Variants in SHISA9 observed in about 807,000 individuals in gnomAD.
SHISA9 encodes the protein shisa family member 9.
Under a neutral mutation model 38.0 loss-of-function variants are expected in SHISA9, and 13 were observed. The observed-to-expected ratio is 0.34, with a 90% confidence interval of 0.22 to 0.54. The LOEUF (loss-of-function observed/expected upper bound fraction) is 0.54, where lower values mean the gene tolerates loss of function less well. Ranked by LOEUF, SHISA9 falls within the 20% of genes least tolerant of loss-of-function variation. The pLI, the probability that SHISA9 is intolerant of heterozygous loss-of-function variation, is 0.91. For synonymous variants in SHISA9, 275 were observed against 242.0 expected (o/e 1.14, Z -1.27); for missense variants, 538 against 575.8 (o/e 0.93, Z 0.67).
the SHISA9 span, among the ~76,000 whole-genome samples, chr16:13,496,856 GTCTA>G: frequency 4.6e-5 from 7 of 152,210 alleles, no homozygotes; most frequent in East Asian, 1.4e-3. Flanking sequence ...ATATATCAGT[GTCTA>G]TCTATATATA....
the SHISA9 span, among the ~76,000 whole-genome samples, chr16:13,319,343 G>A: frequency 6.6e-6 from 1 of 152,146 alleles, no homozygotes; most frequent in Non-Finnish European, 1.5e-5. Context: ...GATCTCAACC[G>A]CTTGGCGAGA....
chr16:13,161,115 C>T (rs903711596), intron 2 of SHISA9, among the ~76,000 whole-genome samples: 1 of 152,188 alleles, frequency 6.6e-6, no homozygotes, highest in African/African-American at 2.4e-5. Flanking sequence ...TCTCACTTTT[C>T]TGTCCTGGCT....
intron 2 of SHISA9, among the ~76,000 whole-genome samples, chr16:13,114,234 A>C (rs914670662): frequency 4.6e-5 from 7 of 152,108 alleles, no homozygotes; most frequent in Non-Finnish European, 1.0e-4. Context: ...TGGGAGGCTG[A>C]GGCGGGCAGA....
chr16:13,169,448 C>T (rs1489079723), intron 2 of SHISA9, among the ~76,000 whole-genome samples: 1 of 151,940 alleles, frequency 6.6e-6, no homozygotes, highest in Non-Finnish European at 1.5e-5. Flanking sequence ...GGAAAAAATC[C>T]CCCTCTGGGG....
At chr16:12,991,679 T>TGA (rs769610014) in intron 2 of SHISA9, among the ~76,000 whole-genome samples, 7 of 152,204 alleles carry the variant, frequency 4.6e-5, no homozygotes, top group Admixed American at 6.5e-5. Context: ...GAGAGGAAGA[T>TGA]GAGCTGAGTC....
At chr16:13,254,607 A>G in the SHISA9 span, among the ~76,000 whole-genome samples, 2 of 152,360 alleles carry the variant, frequency 1.3e-5, no homozygotes, top group East Asian at 3.9e-4. Context: ...GCGGGCTGTC[A>G]GCAATTACCA....
chr16:13,485,415 C>T, the SHISA9 span, among the ~76,000 whole-genome samples: 18 of 152,220 alleles, frequency 1.2e-4, no homozygotes, highest in Admixed American at 9.8e-4. Flanking sequence ...TGTATATATG[C>T]CACATTTTCT....
At chr16:13,285,183 G>A in the SHISA9 span, among the ~76,000 whole-genome samples, 1 of 152,004 alleles carries the variant, frequency 6.6e-6, no homozygotes, top group Non-Finnish European at 1.5e-5. Flanking sequence ...TTCCTTAGCA[G>A]CCTGCTCTTT....
chr16:13,311,861 T>G, the SHISA9 span, among the ~76,000 whole-genome samples: 6 of 152,188 alleles, frequency 3.9e-5, no homozygotes, highest in African/African-American at 1.4e-4. Flanking sequence ...ACGAGATAGA[T>G]AATAATAGTA....
chr16:13,304,481 T>C, the SHISA9 span, among the ~76,000 whole-genome samples: 193 of 152,246 alleles, frequency 1.3e-3, no homozygotes, highest in African/African-American at 4.0e-3. Flanking sequence ...TGGTCTTGAA[T>C]TCCTGGGTTC....
the SHISA9 span, among the ~76,000 whole-genome samples, chr16:13,528,147 C>T: frequency 3.9e-5 from 6 of 152,236 alleles, no homozygotes; most frequent in East Asian, 1.9e-4. Context: ...ACTAGATCCC[C>T]GGGAACAAAG....
chr16:13,269,923 T>C, the SHISA9 span, among the ~76,000 whole-genome samples: 1 of 152,178 alleles, frequency 6.6e-6, no homozygotes, highest in Non-Finnish European at 1.5e-5. Context: ...ACTTGGCCTC[T>C]TTAAAGTTCC....
At chr16:12,966,984 G>T (rs116864607) in intron 2 of SHISA9, among the ~76,000 whole-genome samples, 1 of 152,114 alleles carries the variant, frequency 6.6e-6, no homozygotes. Context: ...TCTCTGGGGA[G>T]GTCCAGAAAT....
At chr16:13,290,093 T>A in the SHISA9 span, among the ~76,000 whole-genome samples, 1 of 152,190 alleles carries the variant, frequency 6.6e-6, no homozygotes, top group Non-Finnish European at 1.5e-5. Flanking sequence ...ATGTGCATAG[T>A]TGAGTGTGAA....
intron 2 of SHISA9, among the ~76,000 whole-genome samples, chr16:13,015,883 TTTCTTTC>T (rs1489263177): frequency 1.7e-4 from 19 of 113,684 alleles, no homozygotes; most frequent in African/African-American, 5.6e-4. Flanking sequence ...TCTTTCTTTC[TTTCTTTC>T]TTTCTTTCTT....
the SHISA9 span, among the ~76,000 whole-genome samples, chr16:13,540,590 T>C: frequency 6.6e-6 from 1 of 152,184 alleles, no homozygotes; most frequent in Non-Finnish European, 1.5e-5. Context: ...CCCATTCCCC[T>C]ACTGATTTTT....
At chr16:13,292,625 G>A in the SHISA9 span, among the ~76,000 whole-genome samples, 1 of 151,982 alleles carries the variant, frequency 6.6e-6, no homozygotes, top group Non-Finnish European at 1.5e-5. Flanking sequence ...TCCAAGAGCT[G>A]GTCATCTTGT....
intron 2 of SHISA9, among the ~76,000 whole-genome samples, chr16:13,183,855 A>G (rs980777115): frequency 2.0e-5 from 3 of 152,150 alleles, no homozygotes; most frequent in African/African-American, 7.2e-5. Flanking sequence ...TGTTGGTATT[A>G]TGCAGTTAGT....
chr16:13,366,703 A>AATAAG, the SHISA9 span, among the ~76,000 whole-genome samples: 1 of 151,772 alleles, frequency 6.6e-6, no homozygotes. Context: ...AATAAAATAA[A>AATAAG]GAGGCCAAGT....
Sources: allele counts gnomAD v4.1 joint callset (sites outside exome capture counted in the v4.1 genomes callset), GRCh38; gene constraint gnomAD v4.1.1; transcripts MANE v1.5; gene names NCBI Gene and HGNC (gene_info 2026-07-23, HGNC 2026-07-21).